PXDNL: variants seen among roughly 807,000 people sequenced by gnomAD.
PXDNL encodes the protein probable oxidoreductase PXDNL.
In PXDNL, 145 loss-of-function variants were observed where a neutral mutation model predicts 150.8. The ratio of observed to expected loss-of-function variants is 0.96; its 90% CI spans 0.84 to 1.10. The LOEUF (loss-of-function observed/expected upper bound fraction) is 1.10, where lower values mean the gene tolerates loss of function less well. PXDNL is among the 50% of genes least tolerant of loss of function. The pLI is 0.00. For missense variants in PXDNL, 2,087 were observed against 1,873.9 expected (o/e 1.11, Z -2.10); for synonymous variants, 757 against 725.7 (o/e 1.04, Z -0.69).
rs74454459 is a variant in PXDNL, at chr8:51,452,969, C to T, written c.1249+550G>A. Among the ~76,000 whole-genome samples the T allele has an allele frequency of 5.4e-3, 812 of 151,416 alleles. 2 individuals carry two copies. Among genetic ancestry groups the T allele is most frequent in the Non-Finnish European group, 8.9e-3 (605 of 67,890 alleles). On this transcript the variant is annotated intron_variant, in intron 10 of 22. Coordinates refer to ENST00000356297, the MANE Select transcript of PXDNL (RefSeq NM_144651.5). ...ACACACACACACATGCACGCACACA[C>T]ACCAGAAAGGGGCCACCCCAGGCTG...
intron 4 of PXDNL, among the ~76,000 whole-genome samples, chr8:51,506,558 A>C (rs1001224396): frequency 6.6e-5 from 10 of 151,118 alleles, no homozygotes; most frequent in South Asian, 2.1e-4. Flanking sequence ...AAAAAAAAAA[A>C]AAAAAAAAAA....
At chr8:51,630,824 T>C (rs1814474373) in intron 2 of PXDNL, among the ~76,000 whole-genome samples, 1 of 151,950 alleles carries the variant, frequency 6.6e-6, no homozygotes, top group South Asian at 2.1e-4. Context: ...GCTTATACAC[T>C]GCTGGTGAGA....
intron 3 of PXDNL, among the ~76,000 whole-genome samples, chr8:51,578,098 AAG>A (rs1474825845): frequency 1.4e-5 from 2 of 142,672 alleles, no homozygotes; most frequent in Middle Eastern, 3.5e-3. Flanking sequence ...GAAAGAAAGA[AAG>A]AAAAAGAAAG....
At chr8:51,744,090 G>A (rs1563307220) in intron 1 of PXDNL, among the ~76,000 whole-genome samples, 6 of 113,956 alleles carry the variant, frequency 5.3e-5, no homozygotes, top group East Asian at 2.6e-4. Flanking sequence ...AGGAAGGAAG[G>A]AAGGAAAGAA....
At chr8:51,443,971 G>A (rs910125213) in intron 12 of PXDNL, among the ~76,000 whole-genome samples, 26 of 152,062 alleles carry the variant, frequency 1.7e-4, no homozygotes, top group Admixed American at 2.0e-4. Context: ...ATGTTGGTGT[G>A]CTGCACCCAG....
At chr8:51,510,964 C>A (rs1464342542) in intron 4 of PXDNL, among the ~76,000 whole-genome samples, 1 of 152,002 alleles carries the variant, frequency 6.6e-6, no homozygotes, top group African/African-American at 2.4e-5. Flanking sequence ...AAAGGTGGTA[C>A]AATGGAACAG....
Position 51,809,323 on chromosome 8 carries a change from A to G in PXDNL, c.22T>C (p.Trp8Arg). 1 of 1,563,546 alleles carries G rather than the reference A, an allele frequency of 6.4e-7. No individual in the cohort carries two copies. The highest frequency in any genetic ancestry group is 8.7e-7 in the Non-Finnish European group (1 of 1,154,086). The change falls in exon 1 of 23, where the codon TGG (tryptophan) becomes CGG (arginine). Residue 8 changes from tryptophan (W) to arginine (R), a missense_variant. Transcript: ENST00000356297. MEPRLFC[W>R]TTLFLLAGWC... The stretch of plus-strand genomic sequence containing the variant: ...CCGGCCAGGAGAAAGAGAGTGGTCC[A>G]GCAGAACAGTCTGGGCTCCATCGCT...
At position 51,408,749 on chromosome 8, in the gene PXDNL, G is replaced by A. The variant is rs1363299395; in HGVS notation, c.2875C>T (p.His959Tyr). ...AGAGCCAGATGCTCGTTGGCCCGGT[G>A]GTCCCCGGCCAGGAAACAGGGGCTC... ...QESPCFLAGD[H>Y]RANEHLALAA... The change falls in exon 17 of 23, where the codon CAC becomes TAC. Residue 959 changes from histidine (H) to tyrosine (Y), a missense_variant. By Grantham distance (83) the His-to-Tyr change is moderately conservative (BLOSUM62 2). Transcript: ENST00000356297. The A allele has an allele frequency of 2.5e-6, 4 of 1,586,330 alleles. No individual in the cohort carries two copies. Among genetic ancestry groups the A allele is most frequent in the South Asian group, 2.3e-5 (2 of 86,920 alleles).
At chr8:51,647,841 A>G (rs772832245) in intron 2 of PXDNL, among the ~76,000 whole-genome samples, 10 of 152,176 alleles carry the variant, frequency 6.6e-5, no homozygotes, top group Non-Finnish European at 1.5e-4. Flanking sequence ...TTTATTTTTA[A>G]TATTTATTAT....
At chr8:51,552,141 T>A (rs1812501392) in intron 4 of PXDNL, among the ~76,000 whole-genome samples, 1 of 152,102 alleles carries the variant, frequency 6.6e-6, no homozygotes. Flanking sequence ...ACCTTACTCC[T>A]GCAAGAACGG....
At chr8:51,435,779 G>C in intron 12 of PXDNL, 1 of 407,052 alleles carries the variant, frequency 2.5e-6, no homozygotes, top group East Asian at 6.8e-5. Flanking sequence ...AAAAAACAAG[G>C]AATGGATTTT....
At chr8:51,493,793 A>C (rs1285802128) in intron 5 of PXDNL, among the ~76,000 whole-genome samples, 1 of 152,216 alleles carries the variant, frequency 6.6e-6, no homozygotes, top group East Asian at 1.9e-4. Context: ...AAAAGACCAA[A>C]TCTACATCTG....
intron 19 of PXDNL, among the ~76,000 whole-genome samples, chr8:51,367,266 G>A (rs1435982373): frequency 1.3e-5 from 2 of 151,968 alleles, no homozygotes; most frequent in Non-Finnish European, 1.5e-5. Context: ...ATTGATTAAA[G>A]GACAAAGACT....
chr8:51,742,292 C>T (rs1157470307), intron 1 of PXDNL, among the ~76,000 whole-genome samples: 6 of 152,096 alleles, frequency 3.9e-5, no homozygotes, highest in East Asian at 1.9e-4. Flanking sequence ...ATCCTTGTGA[C>T]GAAACTGTTA....
At chr8:51,769,556 C>T (rs961688022) in intron 1 of PXDNL, among the ~76,000 whole-genome samples, 5 of 152,156 alleles carry the variant, frequency 3.3e-5, no homozygotes, top group Non-Finnish European at 2.9e-5. Flanking sequence ...TCTGATTTGT[C>T]ATTCTTCAAT....
chr8:51,656,331 A>G (rs912007129), intron 1 of PXDNL, among the ~76,000 whole-genome samples: 5 of 152,198 alleles, frequency 3.3e-5, no homozygotes, highest in African/African-American at 4.8e-5. Context: ...AAATTATTAA[A>G]TAACTCAGTG....
intron 10 of PXDNL, among the ~76,000 whole-genome samples, chr8:51,451,448 G>A (rs1376346633): frequency 6.6e-6 from 1 of 152,144 alleles, no homozygotes; most frequent in African/African-American, 2.4e-5. Context: ...TTAAAATGAT[G>A]GCCTTCTGAG....
At position 51,626,292 on chromosome 8, in the gene PXDNL, G is replaced by T. The variant is rs571597736; in HGVS notation, c.236+28397C>A. ...CTACATAAACCGTGCAACCTTAGTG[G>T]CTTTTATTCTATCTGATGTATGGAT... On this transcript the variant is annotated intron_variant, in intron 2 of 22. Coordinates refer to ENST00000356297, the MANE Select transcript of PXDNL (RefSeq NM_144651.5). 7.9e-5 allele frequency among the ~76,000 whole-genome samples: 12 copies of T among 152,214 alleles called. No individual in the cohort carries two copies. The South Asian group carries it at 2.5e-3, about 32-fold the overall frequency.
chr8:51,596,889 T>G (rs1441976420), intron 2 of PXDNL, among the ~76,000 whole-genome samples: 2 of 152,226 alleles, frequency 1.3e-5, no homozygotes. Flanking sequence ...TATTTTGCTG[T>G]GCAGAAGCTC....
Sources: allele counts gnomAD v4.1 joint callset (sites outside exome capture counted in the v4.1 genomes callset), GRCh38; gene constraint gnomAD v4.1.1; transcripts MANE v1.5; gene names NCBI Gene and HGNC (gene_info 2026-07-23, HGNC 2026-07-21).